LMNB1: variants seen among roughly 807,000 people sequenced by gnomAD.
LMNB1 encodes lamin-B1.
Under a neutral mutation model 67.1 loss-of-function variants are expected in LMNB1, and 23 were observed. The observed-to-expected ratio is 0.34, with a 90% confidence interval of 0.25 to 0.49. The LOEUF is 0.49. Among genes scored for constraint, LMNB1 ranks in the 20% least tolerant of loss-of-function variants. The pLI, the probability that LMNB1 is intolerant of heterozygous loss-of-function variation, is 0.99. For synonymous variants in LMNB1, 281 were observed against 282.9 expected (o/e 0.99, Z 0.07); for missense variants, 634 against 746.5 (o/e 0.85, Z 1.76).
chr5:126,816,768 G>A (rs148587772), intron 5 of LMNB1, among the ~76,000 whole-genome samples: 8 of 152,282 alleles, frequency 5.3e-5, no homozygotes, highest in South Asian at 4.1e-4. Flanking sequence ...TGCTTTTCAC[G>A]TGATTAGACT....
At chr5:126,791,736 G>T (rs771545710) in intron 1 of LMNB1, among the ~76,000 whole-genome samples, 1 of 151,708 alleles carries the variant, frequency 6.6e-6, no homozygotes, top group African/African-American at 2.4e-5. Flanking sequence ...CAAAGTGTTG[G>T]GATTACAGGT....
At chr5:126,793,979 G>A (rs1751028240) in intron 1 of LMNB1, among the ~76,000 whole-genome samples, 1 of 151,874 alleles carries the variant, frequency 6.6e-6, no homozygotes, top group East Asian at 1.9e-4. Flanking sequence ...TTGTTGCCCA[G>A]GCTGGAGTGC....
At position 126,818,923 on chromosome 5, in the gene LMNB1, C is replaced by G; in HGVS notation, c.941C>G (p.Ser314Cys). 1.9e-6 allele frequency: 3 copies of G among 1,608,470 alleles called. No individual in the cohort carries two copies. Among genetic ancestry groups the G allele is most frequent in the Non-Finnish European group, 2.6e-6 (3 of 1,174,964 alleles). ...SSQLSNLQKE[S>C]RACLERIQEL... is the part of the protein sequence containing the mutation. Reference sequence around the variant, plus strand: ...AAATATGTTTCCTTGCATCTTAAGTCTAGAGCATGTTTGGAAAGGATTCAA... The same window carrying G: ...AAATATGTTTCCTTGCATCTTAAGTGTAGAGCATGTTTGGAAAGGATTCAA... The change falls in exon 6 of 11, where the codon TCT becomes TGT. Residue 314 changes from serine to cysteine, a missense_variant and splice_region_variant. By Grantham distance (112) the Ser-to-Cys change is moderately radical (BLOSUM62 -1). Transcript: ENST00000261366.
intron 4 of LMNB1, among the ~76,000 whole-genome samples, chr5:126,811,384 C>T (rs1309783804): frequency 6.6e-6 from 1 of 152,138 alleles, no homozygotes; most frequent in Non-Finnish European, 1.5e-5. Flanking sequence ...TGTTGGTTTA[C>T]ATTCTGTATT....
intron 1 of LMNB1, among the ~76,000 whole-genome samples, chr5:126,795,933 C>CTTGTTTTTTTTTTTT (rs1751077590): frequency 1.2e-5 from 1 of 82,084 alleles, no homozygotes; most frequent in Non-Finnish European, 2.3e-5. Flanking sequence ...GCCCAGGATG[C>CTTGTTTTTTTTTTTT]TTTTTTTTTT....
In LMNB1 at chr5:126,777,465, G is replaced by A; in HGVS notation, c.-44G>A. 1 of 1,295,836 alleles carries A rather than the reference G, an allele frequency of 7.7e-7. No individual in the cohort carries two copies. Among genetic ancestry groups the A allele is most frequent in the Non-Finnish European group, 9.7e-7 (1 of 1,026,602 alleles). 80.3% of individuals were successfully genotyped at this position (1,295,836 alleles called of 1,614,324 possible). On this transcript the variant is annotated 5_prime_UTR_variant, in exon 1 of 11. Transcript: ENST00000261366. ...CCCCTGCCGTCCCCTCCTTATCACG[G>A]TCCCGCTCGCGGCCTCGCCGCCCCG...
chr5:126,825,961 G>A (rs371536552), intron 8 of LMNB1, 27 bp from the exon 9 acceptor site: 12 of 1,612,682 alleles, frequency 7.4e-6, no homozygotes, highest in South Asian at 1.1e-5. Context: ...GGTTCTGGGT[G>A]TACTGACATG....
intron 1 of LMNB1, among the ~76,000 whole-genome samples, chr5:126,802,529 TA>T (rs1751310311): frequency 6.6e-6 from 1 of 152,158 alleles, no homozygotes; most frequent in South Asian, 2.1e-4. Context: ...CTGCAACCTC[TA>T]CCTCCCGGGT....
chr5:126,784,581 T>C (rs779941725), intron 1 of LMNB1, among the ~76,000 whole-genome samples: 92 of 146,252 alleles, frequency 6.3e-4, no homozygotes, highest in Non-Finnish European at 1.3e-3. Context: ...GGTCTTGAGC[T>C]CCTGACCTCG....
At chr5:126,834,371 A>G (rs1178488202) in intron 10 of LMNB1, among the ~76,000 whole-genome samples, 1 of 150,960 alleles carries the variant, frequency 6.6e-6, no homozygotes, top group Non-Finnish European at 1.5e-5. Context: ...ACGCCTGGCT[A>G]ATTTTTTATA....
chr5:126,836,068 AAAGAAAAGGTTAG>A (rs1384488215), intron 10 of LMNB1, among the ~76,000 whole-genome samples, 142 bp from the exon 11 acceptor site: 4 of 152,218 alleles, frequency 2.6e-5, no homozygotes, highest in Non-Finnish European at 4.4e-5. Context: ...AAAAAGAAAA[AAAGAAAAGGTTAG>A]AAAAGATGAG....
intron 1 of LMNB1, among the ~76,000 whole-genome samples, chr5:126,778,927 G>A (rs925502538): frequency 1.3e-5 from 2 of 152,168 alleles, no homozygotes; most frequent in African/African-American, 4.8e-5. Flanking sequence ...GACCTTTGCT[G>A]GCCTTATTTT....
intron 9 of LMNB1, among the ~76,000 whole-genome samples, chr5:126,832,289 GTAATAA>G (rs1310086241): frequency 6.6e-6 from 1 of 151,944 alleles, no homozygotes; most frequent in African/African-American, 2.4e-5. Flanking sequence ...ATGAATAATA[GTAATAA>G]TAATAAACAG....
chr5:126,789,026 G>C (rs1464279251), intron 1 of LMNB1, among the ~76,000 whole-genome samples: 1 of 151,920 alleles, frequency 6.6e-6, no homozygotes, highest in Non-Finnish European at 1.5e-5. Context: ...CTCTGGAGTA[G>C]CTGGGACTAC....
chr5:126,781,708 T>TTATA (rs1221416558), intron 1 of LMNB1, among the ~76,000 whole-genome samples: 5 of 152,206 alleles, frequency 3.3e-5, no homozygotes, highest in African/African-American at 1.2e-4. Flanking sequence ...GGTGCTGGGA[T>TTATA]TATAGGCGTG....
At chr5:126,836,189 T>C (rs1157081851) in intron 10 of LMNB1, 34 bp from the exon 11 acceptor site, 2 of 1,519,480 alleles carry the variant, frequency 1.3e-6, no homozygotes, top group African/African-American at 1.4e-5. Context: ...TCTATTTCTT[T>C]AGTATTAATT....
intron 4 of LMNB1, 116 bp downstream of exon 4, chr5:126,810,466 C>T (rs1163197378): frequency 1.3e-6 from 1 of 759,102 alleles, no homozygotes; most frequent in East Asian, 2.9e-5. Flanking sequence ...TTCCCCTAGT[C>T]TCCATGAAAT....
chr5:126,800,951 CTATATATATATATATATA>C (rs57113826), intron 1 of LMNB1, among the ~76,000 whole-genome samples: 3 of 47,320 alleles, frequency 6.3e-5, no homozygotes, highest in Non-Finnish European at 1.2e-4. Flanking sequence ...TGCAGCCAGA[CTATATATATATATATATA>C]TATATATATA....
intron 1 of LMNB1, among the ~76,000 whole-genome samples, chr5:126,792,645 C>T (rs1346928945): frequency 6.3e-5 from 9 of 142,680 alleles, no homozygotes; most frequent in South Asian, 2.2e-4. Flanking sequence ...GGCGCGATCG[C>T]GGCTCACCGC....
Sources: allele counts gnomAD v4.1 joint callset (sites outside exome capture counted in the v4.1 genomes callset), GRCh38; gene constraint gnomAD v4.1.1; transcripts MANE v1.5; gene names NCBI Gene and HGNC (gene_info 2026-07-23, HGNC 2026-07-21).